The following EMB variants were observed in gnomAD, a reference collection of about 807,000 sequenced individuals.
EMB encodes embigin.
Under a neutral mutation model 41.4 loss-of-function variants are expected in EMB, and 31 were observed. That is an observed-to-expected ratio of 0.75 (90% CI 0.56 to 1.01). EMB has a LOEUF of 1.01. Among genes scored for constraint, EMB ranks in the 50% least tolerant of loss-of-function variants. The pLI, the probability that EMB is intolerant of heterozygous loss-of-function variation, is 0.00. For synonymous variants in EMB, 137 were observed against 140.4 expected (o/e 0.98, Z 0.17); for missense variants, 379 against 388.3 (o/e 0.98, Z 0.20).
intron 1 of EMB, among the ~76,000 whole-genome samples, chr5:50,429,436 C>T (rs1745677444): frequency 6.6e-6 from 1 of 152,186 alleles, no homozygotes; most frequent in Non-Finnish European, 1.5e-5. Context: ...CCAGTTCTTT[C>T]ATTTTCTTAT....
At chr5:50,430,326 G>C (rs375316311) in intron 1 of EMB, among the ~76,000 whole-genome samples, 1 of 151,916 alleles carries the variant, frequency 6.6e-6, no homozygotes, top group Non-Finnish European at 1.5e-5. Context: ...CAATCTTAAG[G>C]GTTCTTATTA....
intron 4 of EMB, among the ~76,000 whole-genome samples, chr5:50,407,386 T>C (rs1745266102): frequency 1.3e-5 from 2 of 151,998 alleles, no homozygotes; most frequent in East Asian, 3.9e-4. Flanking sequence ...TTCTGAGATT[T>C]GATGAGGAAC....
Position 50,434,222 on chromosome 5 carries a change from C to T in EMB, c.113-5995G>A, listed in dbSNP as rs1003595155. ...ACTGCTAAACATTTTAGGATAACAG[C>T]TTGCCACGACAAAGAATTATCCAGC... On this transcript the variant is annotated intron_variant, in intron 1 of 8. Transcript: ENST00000303221. 9.9e-5 allele frequency among the ~76,000 whole-genome samples: 15 copies of T among 152,188 alleles called. 1 individual carries two copies. The highest frequency in any genetic ancestry group is 3.6e-4 in the African/African-American group (15 of 41,438).
chr5:50,441,386 G>A (rs1036698735), upstream of EMB: 5 of 339,194 alleles, frequency 1.5e-5, no homozygotes, highest in Non-Finnish European at 2.7e-5. Flanking sequence ...GCCGGCTGCT[G>A]GCGTTCCCGG....
chr5:50,440,705 G>A (rs573087552), intron 1 of EMB, among the ~76,000 whole-genome samples: 1 of 152,048 alleles, frequency 6.6e-6, no homozygotes, highest in African/African-American at 2.4e-5. Flanking sequence ...TCGCTAGCTG[G>A]TCCCTGCAAC....
chr5:50,418,047 A>C (rs1205668232), intron 2 of EMB, among the ~76,000 whole-genome samples: 1 of 152,238 alleles, frequency 6.6e-6, no homozygotes, highest in Non-Finnish European at 1.5e-5. Flanking sequence ...GAAAAACAAA[A>C]ACAATTCTGT....
At position 50,403,425 on chromosome 5, in the gene EMB, A is replaced by G. The variant is rs1745199689; in HGVS notation, c.630T>C (p.Tyr210=). The part of the protein sequence containing the change: ...KVPVGVQMNK[Y]VINGTYANET... ...CGTTAGCATATGTTCCATTGATCAC[A>G]TATTTATTCATTTGAACACCAACAG... Residue 210 remains tyrosine (Y), a synonymous_variant, in exon 6 of 9, where the codon TAT becomes TAC. Coordinates refer to ENST00000303221, the MANE Select transcript of EMB (RefSeq NM_198449.3). 1 of 1,612,258 alleles carries G rather than the reference A, an allele frequency of 6.2e-7. No individual in the cohort carries two copies. Among genetic ancestry groups the G allele is most frequent in the African/African-American group, 1.3e-5 (1 of 74,788 alleles).
rs560188591 is a variant in EMB, at chr5:50,432,562, T to TTAAAATACCTAATTACTAAG, written c.113-4355_113-4336dup. Among the ~76,000 whole-genome samples the TTAAAATACCTAATTACTAAG allele has an allele frequency of 2.2e-3, 329 of 152,122 alleles. 2 individuals are homozygous for TTAAAATACCTAATTACTAAG. The highest frequency in any genetic ancestry group is 7.6e-3 in the African/African-American group (315 of 41,488). On this transcript the variant is annotated intron_variant, in intron 1 of 8. Coordinates refer to ENST00000303221, the MANE Select transcript of EMB (RefSeq NM_198449.3). ...GCCATGATATGGTTAAAACTTAGCTTTAAAATACCTAATTACTAAGTAAAA... is the reference window on the plus strand; with the variant it reads ...GCCATGATATGGTTAAAACTTAGCTTTAAAATACCTAATTACTAAGTAAAATACCTAATTACTAAGTAAAA...
chr5:50,416,104 A>C (rs1745426666), intron 2 of EMB, among the ~76,000 whole-genome samples: 1 of 152,184 alleles, frequency 6.6e-6, no homozygotes, highest in Admixed American at 6.5e-5. Flanking sequence ...TCAAGAAATC[A>C]CAGCATCAAA....
intron 2 of EMB, among the ~76,000 whole-genome samples, chr5:50,420,156 A>T (rs1745494754): frequency 6.6e-6 from 1 of 152,172 alleles, no homozygotes; most frequent in Non-Finnish European, 1.5e-5. Context: ...AAACCTGTAC[A>T]TCCGGCACAT....
rs768088480 is a variant in EMB at position 50,399,895 on chromosome 5, A to T, written c.930T>A (p.Asn310Lys). The T allele has an allele frequency of 6.2e-7, 1 of 1,604,348 alleles. No homozygotes were observed. The change falls in exon 8 of 9, where the codon AAT becomes AAA. Residue 310 changes from asparagine to lysine, a missense_variant. Asn to Lys is a moderately conservative substitution (Grantham distance 94, BLOSUM62 0). Coordinates refer to ENST00000303221, the MANE Select transcript of EMB (RefSeq NM_198449.3). Reference sequence around the variant, plus strand: ...GCCTGGGGACATTATTTTCTATACCATTGCTATCATCTGATTTCCTGCACA... The same window carrying T: ...GCCTGGGGACATTATTTTCTATACCTTTGCTATCATCTGATTTCCTGCACA... The part of the protein sequence containing the change: ...QIEQLKSDDS[N>K]GIENNVPRHR...
intron 4 of EMB, among the ~76,000 whole-genome samples, chr5:50,406,750 G>C (rs1169186250): frequency 1.3e-5 from 2 of 151,380 alleles, no homozygotes; most frequent in Non-Finnish European, 3.0e-5. Flanking sequence ...GCTTCTTTTG[G>C]TTTTGTGTGT....
rs1745102087 is a variant in EMB at position 50,398,171 on chromosome 5, T to G, written c.*1102A>C. 6.6e-6 allele frequency: 1 copy of G among 151,366 alleles called. No homozygotes were observed. Among genetic ancestry groups the G allele is most frequent in the Admixed American group, 6.6e-5 (1 of 15,076 alleles). The allele number at this position is 151,366 out of a possible 1,614,324, so 9.4% of individuals were successfully genotyped here. A position where few individuals can be genotyped will look rare whatever the true frequency, so the allele number is the denominator to read the frequency against. ...TGTTATCTAGTATCTTGTGGTATGA[T>G]TTTAGTATTCATTCAAGCATTGACA... On this transcript the variant is annotated 3_prime_UTR_variant, in exon 9 of 9. Transcript: ENST00000303221.
chr5:50,428,177 A>G lies in EMB; in HGVS notation c.163T>C (p.Phe55Leu), dbSNP rs1261685411. The G allele has an allele frequency of 6.2e-7, 1 of 1,611,996 alleles. No individual in the cohort carries two copies. Among genetic ancestry groups the G allele is most frequent in the African/African-American group, 1.3e-5 (1 of 74,862 alleles). The change falls in exon 2 of 9, where the codon TTT becomes CTT. Residue 55 changes from phenylalanine (F) to leucine (L), a missense_variant. By Grantham distance (22) the Phe-to-Leu change is conservative. Transcript: ENST00000303221. ...PLREEIMANNFSLESHNISLT... is the reference protein window; with the variant it reads ...PLREEIMANNLSLESHNISLT... ...GATATGTTATGACTCTCCAAGGAAA[A>G]GTTATTTGCCATTATTTCTTCTCTG...
rs978392340 is a variant in EMB at position 50,398,561 on chromosome 5, C to T, written c.*712G>A. Reference sequence around the variant, plus strand: ...TGGTGTACCTTATGAAGTTAAAAACCCTATTTAAGACTAAGAAGCACTTTA... The same window carrying T: ...TGGTGTACCTTATGAAGTTAAAAACTCTATTTAAGACTAAGAAGCACTTTA... On this transcript the variant is annotated 3_prime_UTR_variant, in exon 9 of 9. Coordinates refer to ENST00000303221, the MANE Select transcript of EMB (RefSeq NM_198449.3). The T allele has an allele frequency of 1.3e-5, 2 of 151,948 alleles. No homozygotes were observed. Among genetic ancestry groups the T allele is most frequent in the Non-Finnish European group, 2.9e-5 (2 of 67,972 alleles). 9.4% of individuals were successfully genotyped at this position (151,948 alleles called of 1,614,324 possible). A position where few individuals can be genotyped will look rare whatever the true frequency, so the allele number is the denominator to read the frequency against.
intron 2 of EMB, among the ~76,000 whole-genome samples, chr5:50,423,596 A>G (rs554262575): frequency 6.6e-6 from 1 of 152,210 alleles, no homozygotes; most frequent in South Asian, 2.1e-4. Flanking sequence ...TGACATGTTG[A>G]GACATGTAAC....
rs190265315 is a variant in EMB, at chr5:50,433,764, A to G, written c.113-5537T>C. The stretch of plus-strand genomic sequence containing the variant: ...GACTACAAATTTGGTGGCAAAAACA[A>G]CAAAAGTGTATTCTTTCACAGTTCT... On this transcript the variant is annotated intron_variant, in intron 1 of 8. Transcript: ENST00000303221. 2.6e-5 allele frequency among the ~76,000 whole-genome samples: 4 copies of G among 152,364 alleles called. No homozygotes were observed. In the East Asian group the frequency reaches 7.7e-4, roughly 29 times the overall value.
At chr5:50,414,103 A>G (rs944857524) in intron 2 of EMB, among the ~76,000 whole-genome samples, 1 of 152,178 alleles carries the variant, frequency 6.6e-6, no homozygotes, top group Non-Finnish European at 1.5e-5. Flanking sequence ...GAAGAGAAGG[A>G]GTTGTGTTTG....
At chr5:50,430,918 G>T (rs1437025517) in intron 1 of EMB, among the ~76,000 whole-genome samples, 1 of 152,172 alleles carries the variant, frequency 6.6e-6, no homozygotes, top group Non-Finnish European at 1.5e-5. Flanking sequence ...TCTAAGTTTG[G>T]CTTTGGCAGA....
Sources: gnomAD v4.1 joint callset for allele counts (sites outside exome capture counted in the v4.1 genomes callset) on GRCh38, gnomAD v4.1.1 for gene constraint, MANE v1.5 for transcripts, NCBI Gene and HGNC (gene_info 2026-07-23, HGNC 2026-07-21) for gene names.